PCDHGA7: variants seen among roughly 807,000 people sequenced by gnomAD.
PCDHGA7 encodes the protein protocadherin gamma subfamily A, 7, also known as protocadherin gamma-A7.
Under a neutral mutation model 58.3 loss-of-function variants are expected in PCDHGA7, and 44 were observed. That is an observed-to-expected ratio of 0.75 (90% CI 0.59 to 0.97). PCDHGA7 has a LOEUF of 0.97. PCDHGA7 is among the 50% of genes least tolerant of loss of function. PCDHGA7 has a pLI of 0.00. For missense variants in PCDHGA7, 1,266 were observed against 1,188.7 expected, an observed-to-expected ratio of 1.06 and a Z score of -0.96; for synonymous variants, 516 against 504.2, an observed-to-expected ratio of 1.02 and a Z score of -0.31.
intron 1 of PCDHGA7, among the ~76,000 whole-genome samples, chr5:141,437,499 CA>C (rs2097890101): frequency 6.6e-6 from 1 of 152,076 alleles, no homozygotes; most frequent in African/African-American, 2.4e-5. Context: ...GATCACTTTT[CA>C]ATGAATTATA....
At chr5:141,390,110 C>T (rs2092051149) in intron 1 of PCDHGA7, 22 of 1,613,970 alleles carry the variant, frequency 1.4e-5, no homozygotes, top group Non-Finnish European at 1.9e-5. Flanking sequence ...CCAACTACAG[C>T]GAGGGGACTT....
intron 1 of PCDHGA7, chr5:141,408,182 C>G: frequency 6.5e-7 from 1 of 1,537,898 alleles, no homozygotes; most frequent in Non-Finnish European, 8.8e-7. Flanking sequence ...AGCGGGGACC[C>G]AGCGAGAACC....
At chr5:141,510,682 GA>G (rs1303501817) in intron 3 of PCDHGA7, among the ~76,000 whole-genome samples, 6 of 152,154 alleles carry the variant, frequency 3.9e-5, no homozygotes, top group Non-Finnish European at 8.8e-5. Flanking sequence ...GTGGCATAAG[GA>G]GGTTAGGTAG....
chr5:141,492,043 TC>T (rs1323524482), intron 1 of PCDHGA7: 5 of 518,152 alleles, frequency 9.6e-6, no homozygotes, highest in Non-Finnish European at 1.7e-5. Context: ...CAGTCACAGA[TC>T]CACCCCTGCA....
At position 141,432,834 on chromosome 5, in the gene PCDHGA7, A is replaced by G; in HGVS notation, c.2424+47511A>G. 6.2e-7 allele frequency: 1 copy of G among 1,614,082 alleles called. No homozygotes were observed. The highest frequency in any genetic ancestry group is 8.5e-7 in the Non-Finnish European group (1 of 1,179,978). ...TCTGAAACCTCAGACCTCACTCTGTACCTGGTGGTAGCGGTGGCCGCGGTC... is the reference window on the plus strand; with the variant it reads ...TCTGAAACCTCAGACCTCACTCTGTGCCTGGTGGTAGCGGTGGCCGCGGTC... On this transcript the variant is annotated intron_variant, in intron 1 of 3. Transcript: ENST00000518325. This position sits in a 1 kb window ranked among gnomAD's most constrained non-coding sequence, Gnocchi z 6.0.
At position 141,485,729 on chromosome 5, in the gene PCDHGA7, A is replaced by G. The variant is rs2099618322; in HGVS notation, c.2425-9078A>G. 6.2e-7 allele frequency: 1 copy of G among 1,614,092 alleles called. No individual in the cohort carries two copies. The highest frequency in any genetic ancestry group is 1.1e-5 in the South Asian group (1 of 91,094). ...CTTTGCACTGGATGTGAAGAAGCGCAGCGACGGCAGCCTGGTCCCAGAGCT... is the reference window on the plus strand; with the variant it reads ...CTTTGCACTGGATGTGAAGAAGCGCGGCGACGGCAGCCTGGTCCCAGAGCT... On this transcript the variant is annotated intron_variant, in intron 1 of 3. Coordinates refer to ENST00000518325, the MANE Select transcript of PCDHGA7 (RefSeq NM_018920.4). This position sits in a 1 kb window ranked among gnomAD's most constrained non-coding sequence, Gnocchi z 5.7.
intron 1 of PCDHGA7, chr5:141,399,525 C>G: frequency 6.2e-7 from 1 of 1,614,058 alleles, no homozygotes; most frequent in Non-Finnish European, 8.5e-7. Flanking sequence ...CTGGGGCCTC[C>G]ATCGCGCAAG....
chr5:141,458,702 T>G (rs1333580253), intron 1 of PCDHGA7, among the ~76,000 whole-genome samples: 1 of 152,102 alleles, frequency 6.6e-6, no homozygotes, highest in East Asian at 1.9e-4. Context: ...CCCGAGTAGC[T>G]GGGATTACAG....
chr5:141,397,978 C>T (rs2093593315), intron 1 of PCDHGA7: 3 of 1,261,604 alleles, frequency 2.4e-6, no homozygotes, highest in Admixed American at 2.8e-5. Flanking sequence ...CAGCGCCGGC[C>T]TTTACACCGC....
chr5:141,430,804 G>T, intron 1 of PCDHGA7: 2 of 1,525,868 alleles, frequency 1.3e-6, no homozygotes, highest in Non-Finnish European at 1.8e-6. Context: ...GGCTTGTCCT[G>T]CTGGGAATCC....
intron 1 of PCDHGA7, among the ~76,000 whole-genome samples, chr5:141,484,160 T>C (rs1451052819): frequency 2.6e-5 from 4 of 152,210 alleles, no homozygotes; most frequent in African/African-American, 7.2e-5. Flanking sequence ...CACAATGCTG[T>C]TGGTAGCTGA....
intron 2 of PCDHGA7, among the ~76,000 whole-genome samples, chr5:141,497,642 C>T (rs1426920174): frequency 1.3e-5 from 2 of 151,352 alleles, no homozygotes; most frequent in Middle Eastern, 3.4e-3. Context: ...CAGGTTCAAG[C>T]GATTCTCCTG....
In PCDHGA7 at chr5:141,383,189, C is replaced by A. The variant is rs1588938013; in HGVS notation, c.290C>A (p.Ala97Asp). Residue 97 changes from alanine (A) to aspartate (D), a missense_variant, in exon 1 of 4, where the codon GCT (alanine) becomes GAT (aspartate). Physicochemically the swap from Ala to Asp is moderately radical, Grantham distance 126 (BLOSUM62 -2). Coordinates refer to ENST00000518325, the MANE Select transcript of PCDHGA7 (RefSeq NM_018920.4). The part of the protein sequence containing the change: ...AGRIDREEIC[A>D]QSARCLVNFN... ...AGGATAGACCGGGAAGAGATCTGCGCTCAGAGTGCGCGGTGTCTGGTAAAC... is the reference window on the plus strand; with the variant it reads ...AGGATAGACCGGGAAGAGATCTGCGATCAGAGTGCGCGGTGTCTGGTAAAC... The A allele has an allele frequency of 6.2e-7, 1 of 1,614,068 alleles. No homozygotes were observed. The highest frequency in any genetic ancestry group is 8.5e-7 in the Non-Finnish European group (1 of 1,179,960).
chr5:141,404,000 A>T (rs758512396), intron 1 of PCDHGA7: 2 of 1,613,956 alleles, frequency 1.2e-6, no homozygotes, highest in South Asian at 1.1e-5. Context: ...AGTGACCATT[A>T]CATCTCTGTT....
Position 141,490,765 on chromosome 5 carries a change from G to A in PCDHGA7, c.2425-4042G>A. The A allele has an allele frequency of 6.2e-7, 1 of 1,614,076 alleles. No individual in the cohort carries two copies. The highest frequency in any genetic ancestry group is 8.5e-7 in the Non-Finnish European group (1 of 1,179,914). ...AGCCCCAGCCTCCTCCTTTGTGTAT[G>A]TCAACCCAGAGGATGGACGGATCTT... On this transcript the variant is annotated intron_variant, in intron 1 of 3. Coordinates refer to ENST00000518325, the MANE Select transcript of PCDHGA7 (RefSeq NM_018920.4). This position sits in a 1 kb window ranked among gnomAD's most constrained non-coding sequence, Gnocchi z 5.4.
At chr5:141,387,782 A>C in intron 1 of PCDHGA7, 2 of 1,466,298 alleles carry the variant, frequency 1.4e-6, no homozygotes, top group Non-Finnish European at 1.8e-6. Context: ...TTGAACTGGA[A>C]CTGCAACTAA....
At chr5:141,434,136 TC>T (rs2097674430) in intron 1 of PCDHGA7, among the ~76,000 whole-genome samples, 1 of 152,246 alleles carries the variant, frequency 6.6e-6, no homozygotes, top group Non-Finnish European at 1.5e-5. Context: ...TAGGCTGATT[TC>T]TATGTCCTTT....
chr5:141,400,322 G>T lies in PCDHGA7; in HGVS notation c.2424+14999G>T, dbSNP rs1025265322. The stretch of plus-strand genomic sequence containing the variant: ...CAACCTGGTCTCTGTGTCAAGTCTG[G>T]ACCTGTGGTTCCCCCCAACTACAGT... On this transcript the variant is annotated intron_variant, in intron 1 of 3. Transcript: ENST00000518325. 1.9e-6 allele frequency: 3 copies of T among 1,613,952 alleles called. No homozygotes were observed. In the African/African-American group the frequency reaches 4.0e-5, roughly 22 times the overall value.
chr5:141,490,984 T>TCTG lies in PCDHGA7; in HGVS notation c.2425-3820_2425-3818dup. On this transcript the variant is annotated intron_variant, in intron 1 of 3. Transcript: ENST00000518325. The surrounding 1 kb of genome is among the most constrained non-coding windows in gnomAD (Gnocchi z 5.4). ...CTCAGCCCCCCAGCGTCTCCCTCGCTCTGCTCCTCCTGGCTCCTTGGTCAC... is the reference window on the plus strand; with the variant it reads ...CTCAGCCCCCCAGCGTCTCCCTCGCTCTGCTGCTCCTCCTGGCTCCTTGGTCAC... The TCTG allele has an allele frequency of 1.2e-6, 2 of 1,614,110 alleles. No homozygotes were observed. Among genetic ancestry groups the TCTG allele is most frequent in the Non-Finnish European group, 1.7e-6 (2 of 1,180,028 alleles).
Sources: allele counts gnomAD v4.1 joint callset (sites outside exome capture counted in the v4.1 genomes callset), GRCh38; gene constraint gnomAD v4.1.1; non-coding constraint Gnocchi (gnomAD v3.1); transcripts MANE v1.5; gene names NCBI Gene and HGNC (gene_info 2026-07-23, HGNC 2026-07-21).